The following PDK1 variants were observed in gnomAD, a reference collection of about 807,000 sequenced individuals.
PDK1 encodes pyruvate dehydrogenase kinase 1, also known as [Pyruvate dehydrogenase (acetyl-transferring)] kinase isozyme 1, mitochondrial.
Under a neutral mutation model 54.2 loss-of-function variants are expected in PDK1, and 39 were observed. The ratio of observed to expected loss-of-function variants is 0.72; its 90% CI spans 0.56 to 0.94. The LOEUF is 0.94. Ranked by LOEUF, PDK1 falls within the 40% of genes least tolerant of loss-of-function variation. The probability of loss-of-function intolerance (pLI) is 0.00; values close to 1 mark genes in which losing one functional copy is unlikely to be tolerated. For synonymous variants in PDK1, 221 were observed against 207.1 expected (o/e 1.07, Z -0.58); for missense variants, 552 against 566.0 (o/e 0.98, Z 0.25).
the PDK1 span, among the ~76,000 whole-genome samples, chr2:172,692,530 C>T: frequency 1.3e-5 from 2 of 152,310 alleles, no homozygotes; most frequent in South Asian, 4.1e-4. Context: ...AACACTGAAG[C>T]ACCAGGCTTT....
At chr2:172,613,974 G>A in the PDK1 span, among the ~76,000 whole-genome samples, 1 of 152,122 alleles carries the variant, frequency 6.6e-6, no homozygotes, top group Non-Finnish European at 1.5e-5. Flanking sequence ...GCCCTCCTGG[G>A]TGCAGCTGCA....
At chr2:172,665,876 C>T in the PDK1 span, among the ~76,000 whole-genome samples, 1 of 152,138 alleles carries the variant, frequency 6.6e-6, no homozygotes, top group African/African-American at 2.4e-5. Flanking sequence ...TTGCCCTATT[C>T]CTTCCCTCAT....
rs1691192944 is a variant in PDK1, at chr2:172,603,807, T to C, written c.*7838T>C. ...GAAGGCCCTGATAAAACTTCATTAT[T>C]AATGTTCTGCATTAATTTAGCGGAT... On this transcript the variant is annotated 3_prime_UTR_variant, in exon 11 of 11. Coordinates refer to ENST00000282077, the MANE Select transcript of PDK1 (RefSeq NM_002610.5). The C allele has an allele frequency of 6.6e-6, 1 of 152,226 alleles. No homozygotes were observed. The highest frequency in any genetic ancestry group is 1.5e-5 in the Non-Finnish European group (1 of 68,044). The allele number at this position is 152,226 out of a possible 1,614,324, so 9.4% of individuals were successfully genotyped here.
the PDK1 span, among the ~76,000 whole-genome samples, chr2:172,705,311 C>T: frequency 6.6e-6 from 1 of 152,210 alleles, no homozygotes; most frequent in Non-Finnish European, 1.5e-5. Flanking sequence ...CCCTTTCTTC[C>T]TATAGATTGA....
chr2:172,556,387 C>G (rs2149170630), intron 1 of PDK1, 41 bp downstream of exon 1: 1 of 1,346,774 alleles, frequency 7.4e-7, no homozygotes, highest in Non-Finnish European at 9.6e-7. Flanking sequence ...TGCGCGGTCC[C>G]GGGCGGGGAG....
At chr2:172,589,801 C>T (rs1297390281) in intron 9 of PDK1, among the ~76,000 whole-genome samples, 2 of 152,166 alleles carry the variant, frequency 1.3e-5, no homozygotes, top group African/African-American at 2.4e-5. Flanking sequence ...TAATAAAAAC[C>T]ATTTTCCCAT....
At chr2:172,562,320 A>G in intron 3 of PDK1, 29 bp downstream of exon 3, 1 of 1,372,638 alleles carries the variant, frequency 7.3e-7, no homozygotes, top group Non-Finnish European at 1.0e-6. Flanking sequence ...CCCTATTCTT[A>G]AACCTATTAT....
chr2:172,699,804 G>C, the PDK1 span, among the ~76,000 whole-genome samples: 1 of 150,950 alleles, frequency 6.6e-6, no homozygotes, highest in Non-Finnish European at 1.5e-5. Flanking sequence ...GTTTCTCGTA[G>C]AGGGGGATTT....
the PDK1 span, among the ~76,000 whole-genome samples, chr2:172,713,934 C>T: frequency 1.3e-5 from 2 of 152,230 alleles, no homozygotes; most frequent in East Asian, 1.9e-4. Flanking sequence ...AAGTTTTTTC[C>T]TCACAAGAGC....
chr2:172,680,971 A>G, the PDK1 span, among the ~76,000 whole-genome samples: 1,070 of 152,328 alleles, frequency 7.0e-3, 18 homozygotes, highest in African/African-American at 0.025. Context: ...GAAGCAACTC[A>G]GGGGAAGTAT....
At chr2:172,708,397 A>G in the PDK1 span, among the ~76,000 whole-genome samples, 1 of 152,244 alleles carries the variant, frequency 6.6e-6, no homozygotes, top group Non-Finnish European at 1.5e-5. Flanking sequence ...AAATTGTCAT[A>G]ATACTATAAT....
At chr2:172,678,998 C>T in the PDK1 span, 2 of 152,084 alleles carry the variant, frequency 1.3e-5, no homozygotes, top group African/African-American at 2.4e-5. Flanking sequence ...TTGACTCTGT[C>T]GCAGAGATTT....
At chr2:172,647,367 A>T in the PDK1 span, among the ~76,000 whole-genome samples, 1 of 152,100 alleles carries the variant, frequency 6.6e-6, no homozygotes, top group Non-Finnish European at 1.5e-5. Flanking sequence ...TGGGACTTTG[A>T]GGCTACCACA....
chr2:172,684,124 T>C, the PDK1 span, among the ~76,000 whole-genome samples: 1 of 152,270 alleles, frequency 6.6e-6, no homozygotes, highest in South Asian at 2.1e-4. Flanking sequence ...CATTTCTATT[T>C]TAGAGAAGGA....
chr2:172,710,928 A>G, the PDK1 span, among the ~76,000 whole-genome samples: 8 of 152,226 alleles, frequency 5.3e-5, no homozygotes, highest in Admixed American at 5.2e-4. Context: ...AATTCTCTCA[A>G]TGTGATTCTG....
chr2:172,624,532 C>T, the PDK1 span, among the ~76,000 whole-genome samples: 1 of 151,926 alleles, frequency 6.6e-6, no homozygotes, highest in Non-Finnish European at 1.5e-5. Context: ...CCCCGAACAC[C>T]ATCCATGGAA....
rs1442483330 is a variant in PDK1, at chr2:172,558,859, T to C, written c.338+10T>C. 6.2e-7 allele frequency: 1 copy of C among 1,604,848 alleles called. No homozygotes were observed. The highest frequency in any genetic ancestry group is 1.7e-5 in the Admixed American group (1 of 57,274). ...AATTGGTACAAAGCTGGTAAGATTC[T>C]CATCTTGTGTTTGCAATTTGATGGA... On this transcript the variant is annotated intron_variant, in intron 2 of 10. Transcript: ENST00000282077.
intron 10 of PDK1, 68 bp downstream of exon 10, chr2:172,593,116 G>A (rs1239407787): frequency 2.4e-6 from 2 of 823,148 alleles, no homozygotes; most frequent in Non-Finnish European, 4.0e-6. Context: ...ATACTTAACT[G>A]TAATGAAATT....
the PDK1 span, among the ~76,000 whole-genome samples, chr2:172,641,129 CTCTTTCT>C: frequency 4.8e-5 from 6 of 124,722 alleles, no homozygotes; most frequent in Admixed American, 1.8e-4. Context: ...CTCTTTCTCT[CTCTTTCT>C]TCTTTCTTCT....
Sources: gnomAD v4.1 joint callset for allele counts (sites outside exome capture counted in the v4.1 genomes callset) on GRCh38, gnomAD v4.1.1 for gene constraint, MANE v1.5 for transcripts, NCBI Gene and HGNC (gene_info 2026-07-23, HGNC 2026-07-21) for gene names.